The following PIEZO2 variants were observed in gnomAD, a reference collection of about 807,000 sequenced individuals.
The protein encoded by PIEZO2 is piezo-type mechanosensitive ion channel component 2.
A neutral mutation model predicts 337.3 loss-of-function variants in PIEZO2; 172 were observed. That is an observed-to-expected ratio of 0.51 (90% confidence interval 0.45 to 0.58). The LOEUF (loss-of-function observed/expected upper bound fraction) is 0.58, where lower values mean the gene tolerates loss of function less well. PIEZO2 is among the 20% of genes least tolerant of loss of function. The pLI is 0.00. For synonymous variants in PIEZO2, 1,251 were observed against 1,228.5 expected (o/e 1.02, Z -0.38); for missense variants, 3,028 against 3,391.3 (o/e 0.89, Z 2.66).
rs2042843036 is a variant in PIEZO2, at chr18:10,894,522, G to C, written c.329+16664C>G. On this transcript the variant is annotated intron_variant, in intron 4 of 55. Transcript: ENST00000674853. The surrounding 1 kb of genome is among the most constrained non-coding windows in gnomAD (Gnocchi z 4.1). Reference sequence around the variant, plus strand: ...AGGGACATTTCGCAGGTAAAGGGAAGCACGCCTCAAGTGATCATGCAAACA... The same window carrying C: ...AGGGACATTTCGCAGGTAAAGGGAACCACGCCTCAAGTGATCATGCAAACA... The C allele has an allele frequency of 6.6e-6, 1 of 152,180 alleles. No homozygotes were observed. Among genetic ancestry groups the C allele is most frequent in the South Asian group, 2.1e-4 (1 of 4,834 alleles). 9.4% of individuals were successfully genotyped at this position (152,180 alleles called of 1,614,324 possible).
At position 10,982,636 on chromosome 18, in the gene PIEZO2, A is replaced by G. The variant is rs916518825; in HGVS notation, c.161-2976T>C. Among the ~76,000 whole-genome samples the G allele has an allele frequency of 2.0e-5, 3 of 152,226 alleles. No individual in the cohort carries two copies. The highest frequency in any genetic ancestry group is 6.5e-5 in the Admixed American group (1 of 15,284). The stretch of plus-strand genomic sequence containing the variant: ...AAAATAAGACTGAATTGCCATGTAA[A>G]TTTTGAAATTTTGAAGAATACGATC... On this transcript the variant is annotated intron_variant, in intron 2 of 55. Coordinates refer to ENST00000674853, the MANE Select transcript of PIEZO2 (RefSeq NM_001378183.1). This position sits in a 1 kb window ranked among gnomAD's most constrained non-coding sequence, Gnocchi z 4.1.
intron 30 of PIEZO2, among the ~76,000 whole-genome samples, 187 bp from the exon 31 acceptor site, chr18:10,744,418 C>CA (rs1003742725): frequency 1.3e-5 from 2 of 152,080 alleles, no homozygotes; most frequent in Non-Finnish European, 2.9e-5. Flanking sequence ...GTGAACAGGG[C>CA]ACAGCCTTCC....
At chr18:11,115,752 T>G (rs2039871246) in intron 1 of PIEZO2, among the ~76,000 whole-genome samples, 1 of 152,280 alleles carries the variant, frequency 6.6e-6, no homozygotes, top group African/African-American at 2.4e-5. Flanking sequence ...TGTATTTTTA[T>G]CTGGCAATGA....
chr18:10,686,296 C>A (rs1247586037), intron 49 of PIEZO2, among the ~76,000 whole-genome samples: 3 of 152,170 alleles, frequency 2.0e-5, no homozygotes, highest in African/African-American at 7.2e-5. Flanking sequence ...ATCCCAAACT[C>A]TACATATTTG....
rs1318395121 is a variant in PIEZO2 at position 11,002,869 on chromosome 18, G to A, written c.161-23209C>T. ...ACATTTTCATGGTCCTCCATGGGCA[G>A]GTTCAGCAGAGAACAGACCAATAGA... On this transcript the variant is annotated intron_variant, in intron 2 of 55. Coordinates refer to ENST00000674853, the MANE Select transcript of PIEZO2 (RefSeq NM_001378183.1). This position sits in a 1 kb window ranked among gnomAD's most constrained non-coding sequence, Gnocchi z 4.3. 6.6e-6 allele frequency among the ~76,000 whole-genome samples: 1 copy of A among 152,204 alleles called. No individual in the cohort carries two copies. The highest frequency in any genetic ancestry group is 1.5e-5 in the Non-Finnish European group (1 of 68,038).
chr18:10,717,960 G>T (rs1297745288), intron 37 of PIEZO2, among the ~76,000 whole-genome samples: 1 of 152,118 alleles, frequency 6.6e-6, no homozygotes, highest in East Asian at 1.9e-4. Flanking sequence ...CTTGCATAAA[G>T]GAATTTACAA....
intron 3 of PIEZO2, among the ~76,000 whole-genome samples, chr18:10,961,369 G>A (rs985696860): frequency 3.3e-5 from 5 of 149,654 alleles, no homozygotes; most frequent in South Asian, 2.1e-4. Context: ...CTGTGAGGAC[G>A]CAAAGGCATA....
In PIEZO2 at chr18:10,819,618, T is replaced by A. The variant is rs916987834; in HGVS notation, c.918-12344A>T. On this transcript the variant is annotated intron_variant, in intron 7 of 55. Transcript: ENST00000674853. The surrounding 1 kb of genome is among the most constrained non-coding windows in gnomAD (Gnocchi z 4.3). Reference sequence around the variant, plus strand: ...TCAATGCACAATTACACAGGTGTTTTCTCAATGTTGTTCTCAATGCATCAT... The same window carrying A: ...TCAATGCACAATTACACAGGTGTTTACTCAATGTTGTTCTCAATGCATCAT... Among the ~76,000 whole-genome samples, 5 of 152,232 alleles carry A rather than the reference T, an allele frequency of 3.3e-5. No homozygotes were observed. The highest frequency in any genetic ancestry group is 1.2e-4 in the African/African-American group (5 of 41,468).
chr18:11,007,446 C>T (rs1568288849), intron 2 of PIEZO2, among the ~76,000 whole-genome samples: 2 of 152,136 alleles, frequency 1.3e-5, no homozygotes, highest in African/African-American at 2.4e-5. Context: ...GGAACATTTA[C>T]ATTACCCAGA....
intron 3 of PIEZO2, among the ~76,000 whole-genome samples, chr18:10,922,919 A>C (rs373170706): frequency 7.2e-5 from 11 of 152,296 alleles, no homozygotes; most frequent in Admixed American, 4.6e-4. Context: ...GTTCTTCATT[A>C]TGAAGAATAG....
chr18:10,981,984 G>A (rs1044661524), intron 2 of PIEZO2, among the ~76,000 whole-genome samples: 3 of 152,112 alleles, frequency 2.0e-5, no homozygotes, highest in Non-Finnish European at 4.4e-5. Context: ...GTTTGAGACT[G>A]GGACTTCCTT....
intron 36 of PIEZO2, among the ~76,000 whole-genome samples, chr18:10,731,081 CT>C (rs953427228): frequency 2.0e-4 from 30 of 148,246 alleles, no homozygotes; most frequent in African/African-American, 6.4e-4. Flanking sequence ...TGTAGTATTT[CT>C]TTTTTTTTAT....
chr18:10,874,255 A>G (rs1309399158), intron 4 of PIEZO2, among the ~76,000 whole-genome samples: 1 of 152,060 alleles, frequency 6.6e-6, no homozygotes, highest in Non-Finnish European at 1.5e-5. Context: ...GCAAATCAAA[A>G]CCACAACGAG....
intron 2 of PIEZO2, among the ~76,000 whole-genome samples, chr18:11,059,075 A>G (rs1425702659): frequency 6.6e-6 from 1 of 152,246 alleles, no homozygotes; most frequent in African/African-American, 2.4e-5. Flanking sequence ...AAACTCTACA[A>G]GCCAGAAGAG....
chr18:11,030,272 C>G (rs1326693847), intron 2 of PIEZO2, among the ~76,000 whole-genome samples: 1 of 152,094 alleles, frequency 6.6e-6, no homozygotes, highest in Non-Finnish European at 1.5e-5. Flanking sequence ...AAATTTATTC[C>G]TCAATTATAA....
At chr18:10,941,568 TA>T (rs1193346452) in intron 3 of PIEZO2, among the ~76,000 whole-genome samples, 2 of 152,180 alleles carry the variant, frequency 1.3e-5, no homozygotes, top group East Asian at 3.8e-4. Flanking sequence ...CACATTCTTT[TA>T]AAAAGGAATA....
Position 10,671,702 on chromosome 18 carries a change from G to C in PIEZO2, c.8423C>G (p.Ser2808Cys), listed in dbSNP as rs773992457. 1 of 1,613,914 alleles carries C rather than the reference G, an allele frequency of 6.2e-7. No individual in the cohort carries two copies. Among genetic ancestry groups the C allele is most frequent in the South Asian group, 1.1e-5 (1 of 91,064 alleles). ...ATTTGGAAGCTCTTCAAACATGATG[G>C]AGTGAGAAATCCCACTGAAGAATTC... ...VREFFSGISH[S>C]IMFEELPNVD... Residue 2808 changes from serine (S) to cysteine (C), a missense_variant, in exon 56 of 56, where the codon TCC becomes TGC. By Grantham distance (112) the Ser-to-Cys change is moderately radical. This residue lies in a region of PIEZO2 where 332 missense variants were observed against 363.8 expected (regional missense o/e 0.91). Coordinates refer to ENST00000674853, the MANE Select transcript of PIEZO2 (RefSeq NM_001378183.1).
At chr18:10,879,059 A>C (rs1379968334) in intron 4 of PIEZO2, among the ~76,000 whole-genome samples, 1 of 152,260 alleles carries the variant, frequency 6.6e-6, no homozygotes, top group African/African-American at 2.4e-5. Flanking sequence ...GCTAAAGTCA[A>C]GAGAGTAAAT....
intron 3 of PIEZO2, among the ~76,000 whole-genome samples, chr18:10,957,415 A>C (rs1037258451): frequency 3.3e-5 from 5 of 151,138 alleles, no homozygotes; most frequent in Non-Finnish European, 4.4e-5. Flanking sequence ...ACAAAAAAAA[A>C]ACAAAGCAAC....
Sources: allele counts gnomAD v4.1 joint callset (sites outside exome capture counted in the v4.1 genomes callset), GRCh38; gene constraint gnomAD v4.1.1; regional missense constraint gnomAD v4.1.1; non-coding constraint Gnocchi (gnomAD v3.1); transcripts MANE v1.5; gene names NCBI Gene and HGNC (gene_info 2026-07-23, HGNC 2026-07-21).